The following PHETA2 variants were observed in gnomAD, a reference collection of about 807,000 sequenced individuals.
The protein encoded by PHETA2 is PH domain containing endocytic trafficking adaptor 2.
For synonymous variants in PHETA2, 133 were observed against 142.9 expected, an observed-to-expected ratio of 0.93 and a Z score of 0.50; for missense variants, 321 against 341.3, an observed-to-expected ratio of 0.94 and a Z score of 0.47.
At position 42,077,283 on chromosome 22, in the gene PHETA2, C is replaced by G. The variant is rs1462281118; in HGVS notation, c.-11C>G. 12 of 1,519,100 alleles carry G rather than the reference C, an allele frequency of 7.9e-6. No individual in the cohort carries two copies. The highest frequency in any genetic ancestry group is 8.8e-6 in the Non-Finnish European group (10 of 1,134,692). 94.1% of individuals were successfully genotyped at this position (1,519,100 alleles called of 1,614,324 possible). The stretch of plus-strand genomic sequence containing the variant: ...TGCCATCTCTCTTGCCTCACAGTTC[C>G]CGTGGGAGCCATGAAGCTGAACGAG... On this transcript the variant is annotated 5_prime_UTR_variant, in exon 3 of 3. Transcript: ENST00000321753.
At chr22:42,074,725 G>A (rs2059944657) in intron 1 of PHETA2, among the ~76,000 whole-genome samples, 1 of 151,956 alleles carries the variant, frequency 6.6e-6, no homozygotes, top group Admixed American at 6.6e-5. Context: ...CCCCAGTGCT[G>A]GGCCCAGGAC....
At position 42,077,464 on chromosome 22, in the gene PHETA2, T is replaced by A. The variant is rs770909898; in HGVS notation, c.171T>A (p.Ser57Arg). ...LKGNLLFSFE[S>R]REGRAPLSLV... ...GCAACCTGCTATTCTCCTTTGAGAG[T>A]CGCGAGGGCCGGGCCCCACTGAGCC... Residue 57 changes from serine to arginine, a missense_variant, in exon 3 of 3, where the codon AGT becomes AGA. Ser to Arg is a moderately radical substitution (Grantham distance 110). Coordinates refer to ENST00000321753, the MANE Select transcript of PHETA2 (RefSeq NM_001002034.3). 3.1e-6 allele frequency: 5 copies of A among 1,613,632 alleles called. No individual in the cohort carries two copies. In the Admixed American group the frequency reaches 8.3e-5, roughly 27 times the overall value.
At position 42,075,416 on chromosome 22, in the gene PHETA2, G is replaced by A. The variant is rs531584076; in HGVS notation, c.-96-155G>A. ...ACAAGGGGACCCATCCCCTTAAGCT[G>A]CTCAGGGGTTCCTGGCTGGGTGGAT... On this transcript the variant is annotated intron_variant, in intron 1 of 2. Coordinates refer to ENST00000321753, the MANE Select transcript of PHETA2 (RefSeq NM_001002034.3). This position sits in a 1 kb window ranked among gnomAD's most constrained non-coding sequence, Gnocchi z 4.8. Among the ~76,000 whole-genome samples the A allele has an allele frequency of 3.3e-5, 5 of 152,334 alleles. No homozygotes were observed. The South Asian group carries it at 1.0e-3, about 32-fold the overall frequency.
chr22:42,077,313 G>T lies in PHETA2; in HGVS notation c.20G>T (p.Ser7Ile), dbSNP rs753535017. 7 of 1,536,282 alleles carry T rather than the reference G, an allele frequency of 4.6e-6. No individual in the cohort carries two copies. In the East Asian group the frequency reaches 1.4e-4, roughly 30 times the overall value. The change falls in exon 3 of 3, where the codon AGT becomes ATT. Residue 7 changes from serine (S) to isoleucine (I), a missense_variant. Physicochemically the swap from Ser to Ile is moderately radical, Grantham distance 142. Coordinates refer to ENST00000321753, the MANE Select transcript of PHETA2 (RefSeq NM_001002034.3). The part of the protein sequence containing the change: MKLNER[S>I]VAHYALSDSP... ...GGAGCCATGAAGCTGAACGAGAGGA[G>T]TGTAGCCCACTATGCACTCAGCGAC...
At position 42,078,307 on chromosome 22, in the gene PHETA2, C is replaced by G; in HGVS notation, c.*234C>G. 1 of 526,714 alleles carries G rather than the reference C, an allele frequency of 1.9e-6. No individual in the cohort carries two copies. The highest frequency in any genetic ancestry group is 3.4e-6 in the Non-Finnish European group (1 of 295,782). 32.6% of individuals were successfully genotyped at this position (526,714 alleles called of 1,614,324 possible). A position where few individuals can be genotyped will look rare whatever the true frequency, so the allele number is the denominator to read the frequency against. The stretch of plus-strand genomic sequence containing the variant: ...GGAAGGAGACTTAGCAGCCACAGAG[C>G]AAGACCCCAATCTCCTGACTGCACT... On this transcript the variant is annotated 3_prime_UTR_variant, in exon 3 of 3. Coordinates refer to ENST00000321753, the MANE Select transcript of PHETA2 (RefSeq NM_001002034.3).
chr22:42,077,478 C>A lies in PHETA2; in HGVS notation c.185C>A (p.Ala62Asp). ...LFSFESREGR[A>D]PLSLVVLEGC... ...TCCTTTGAGAGTCGCGAGGGCCGGG[C>A]CCCACTGAGCCTGGTGGTGCTGGAA... The change falls in exon 3 of 3, where the codon GCC becomes GAC. Residue 62 changes from alanine to aspartate, a missense_variant. By Grantham distance (126) the Ala-to-Asp change is moderately radical. Transcript: ENST00000321753. 6.2e-7 allele frequency: 1 copy of A among 1,614,066 alleles called. No individual in the cohort carries two copies. Among genetic ancestry groups the A allele is most frequent in the Non-Finnish European group, 8.5e-7 (1 of 1,180,012 alleles).
At position 42,077,335 on chromosome 22, in the gene PHETA2, C is replaced by T. The variant is rs1025302969; in HGVS notation, c.42C>T (p.Ser14=). ...GGAGTGTAGCCCACTATGCACTCAGCGACTCCCCAGCGGACCACATGGGCT... is the reference window on the plus strand; with the variant it reads ...GGAGTGTAGCCCACTATGCACTCAGTGACTCCCCAGCGGACCACATGGGCT... ...NERSVAHYAL[S]DSPADHMGFL... Residue 14 remains serine (S), a synonymous_variant, in exon 3 of 3, where the codon AGC becomes AGT. Coordinates refer to ENST00000321753, the MANE Select transcript of PHETA2 (RefSeq NM_001002034.3). 9.0e-6 allele frequency: 14 copies of T among 1,556,748 alleles called. No individual in the cohort carries two copies. Among genetic ancestry groups the T allele is most frequent in the African/African-American group, 4.1e-5 (3 of 73,186 alleles).
intron 2 of PHETA2, 120 bp from the exon 3 acceptor site, chr22:42,077,160 A>G (rs935962363): frequency 1.2e-6 from 1 of 862,364 alleles, no homozygotes; most frequent in Non-Finnish European, 1.7e-6. Flanking sequence ...TTAGGGACAC[A>G]GCAAGCGAGT....
Position 42,077,940 on chromosome 22 carries a change from C to T in PHETA2, c.647C>T (p.Pro216Leu). Residue 216 changes from proline (P) to leucine (L), a missense_variant, in exon 3 of 3, where the codon CCT becomes CTT. By Grantham distance (98) the Pro-to-Leu change is moderately conservative (BLOSUM62 -3). Coordinates refer to ENST00000321753, the MANE Select transcript of PHETA2 (RefSeq NM_001002034.3). Reference sequence around the variant, plus strand: ...CTCCTCCTAGGCAAGGGGCAGAGCCCTGTGTCCCCTGAGACCTCCTGCTTC... The same window carrying T: ...CTCCTCCTAGGCAAGGGGCAGAGCCTTGTGTCCCCTGAGACCTCCTGCTTC... ...ASLLLGKGQS[P>L]VSPETSCFST... 4 of 1,612,262 alleles carry T rather than the reference C, an allele frequency of 2.5e-6. No homozygotes were observed. The highest frequency in any genetic ancestry group is 3.4e-6 in the Non-Finnish European group (4 of 1,179,216).
chr22:42,074,963 G>C (rs939364338), intron 1 of PHETA2, among the ~76,000 whole-genome samples: 3 of 152,034 alleles, frequency 2.0e-5, no homozygotes, highest in Non-Finnish European at 2.9e-5. Context: ...TGGGAATGTA[G>C]GCTCCAGGAG....
intron 2 of PHETA2, among the ~76,000 whole-genome samples, chr22:42,076,452 G>A (rs979769817): frequency 4.0e-5 from 6 of 151,792 alleles, no homozygotes; most frequent in African/African-American, 7.3e-5. Context: ...ACCCACCACC[G>A]TGCCTGGCTA....
chr22:42,074,820 A>G (rs1262180688), intron 1 of PHETA2, among the ~76,000 whole-genome samples: 4 of 152,024 alleles, frequency 2.6e-5, no homozygotes, highest in African/African-American at 7.2e-5. Flanking sequence ...GTCTCTCCCC[A>G]TCCAGGGGCC....
chr22:42,074,677 G>A (rs1325405879), intron 1 of PHETA2, among the ~76,000 whole-genome samples: 1 of 152,128 alleles, frequency 6.6e-6, no homozygotes, highest in Non-Finnish European at 1.5e-5. Flanking sequence ...GGGAGGGGAG[G>A]GGTCATGGCC....
chr22:42,077,885 G>A lies in PHETA2; in HGVS notation c.592G>A (p.Ala198Thr). 1 of 1,613,638 alleles carries A rather than the reference G, an allele frequency of 6.2e-7. No homozygotes were observed. Among genetic ancestry groups the A allele is most frequent in the Non-Finnish European group, 8.5e-7 (1 of 1,179,870 alleles). Residue 198 changes from alanine to threonine, a missense_variant, in exon 3 of 3, where the codon GCT becomes ACT. Transcript: ENST00000321753. Reference sequence around the variant, plus strand: ...CAGCAGGTCTGCAGGGTGGGGGTTGGCTGAGTGGGAGCTGCAGGGCCCTGC... The same window carrying A: ...CAGCAGGTCTGCAGGGTGGGGGTTGACTGAGTGGGAGCTGCAGGGCCCTGC... ...AGSRSAGWGL[A>T]EWELQGPASL...
At position 42,077,540 on chromosome 22, in the gene PHETA2, G is replaced by A. The variant is rs913486670; in HGVS notation, c.247G>A (p.Glu83Lys). The change falls in exon 3 of 3, where the codon GAG becomes AAG. Residue 83 changes from glutamate (E) to lysine (K), a missense_variant. Glu to Lys is a moderately conservative substitution (Grantham distance 56). Transcript: ENST00000321753. ...TVELAEAPVPEEFAFAICFDA... is the reference protein window; with the variant it reads ...TVELAEAPVPKEFAFAICFDA... ...GGAACTGGCCGAGGCTCCCGTGCCC[G>A]AGGAGTTTGCCTTTGCCATCTGCTT... The A allele has an allele frequency of 6.8e-6, 11 of 1,614,164 alleles. No homozygotes were observed. Among genetic ancestry groups the A allele is most frequent in the South Asian group, 3.3e-5 (3 of 91,088 alleles).
At chr22:42,076,752 TA>T (rs968605057) in intron 2 of PHETA2, among the ~76,000 whole-genome samples, 88 of 152,326 alleles carry the variant, frequency 5.8e-4, no homozygotes, top group African/African-American at 1.7e-3. Flanking sequence ...CTCGCTCAAG[TA>T]AACTCTTTAA....
chr22:42,076,498 G>C (rs907627773), intron 2 of PHETA2, among the ~76,000 whole-genome samples: 3 of 151,932 alleles, frequency 2.0e-5, no homozygotes, highest in African/African-American at 4.8e-5. Flanking sequence ...CACCATGTTG[G>C]CCAGGCTGGT....
rs886862703 is a variant in PHETA2, at chr22:42,077,950, T to C, written c.657T>C (p.Pro219=). 2.5e-6 allele frequency: 4 copies of C among 1,611,482 alleles called. No homozygotes were observed. Among genetic ancestry groups the C allele is most frequent in the Non-Finnish European group, 3.4e-6 (4 of 1,178,940 alleles). The change falls in exon 3 of 3, where the codon CCT becomes CCC. Residue 219 remains proline (P), a synonymous_variant. Transcript: ENST00000321753. The stretch of plus-strand genomic sequence containing the variant: ...GCAAGGGGCAGAGCCCTGTGTCCCC[T>C]GAGACCTCCTGCTTCTCTACCCTGC... ...LLGKGQSPVS[P]ETSCFSTLHD...
rs144254403 is a variant in PHETA2 at position 42,075,264 on chromosome 22, T to G, written c.-96-307T>G. ...GATGATATGGTGATCATGGAAGGCC[T>G]CCCAGATTAGGTGACTTCAGTTAAA... On this transcript the variant is annotated intron_variant, in intron 1 of 2. Coordinates refer to ENST00000321753, the MANE Select transcript of PHETA2 (RefSeq NM_001002034.3). This position sits in a 1 kb window ranked among gnomAD's most constrained non-coding sequence, Gnocchi z 4.8. Among the ~76,000 whole-genome samples, 211 of 152,276 alleles carry G rather than the reference T, an allele frequency of 1.4e-3. No homozygotes were observed. Among genetic ancestry groups the G allele is most frequent in the African/African-American group, 4.8e-3 (201 of 41,546 alleles).
Sources: gnomAD v4.1 joint callset for allele counts (sites outside exome capture counted in the v4.1 genomes callset) on GRCh38, gnomAD v4.1.1 for gene constraint, Gnocchi (gnomAD v3.1) non-coding constraint, MANE v1.5 for transcripts, NCBI Gene and HGNC (gene_info 2026-07-23, HGNC 2026-07-21) for gene names.